Variants in SLIT1 observed in about 807,000 individuals in gnomAD.
SLIT1 encodes slit homolog 1 protein.
Under a neutral mutation model 186.1 loss-of-function variants are expected in SLIT1, and 66 were observed. The observed-to-expected ratio is 0.35, with a 90% CI of 0.29 to 0.44. SLIT1 has a LOEUF of 0.44. Among genes scored for constraint, SLIT1 ranks in the 20% least tolerant of loss-of-function variants. The pLI is 1.00. For synonymous variants in SLIT1, 761 were observed against 833.8 expected (o/e 0.91, Z 1.50); for missense variants, 1,638 against 2,037.4 (o/e 0.80, Z 3.77).
Position 97,035,302 on chromosome 10 carries a change from G to A in SLIT1, c.2367-760C>T, listed in dbSNP as rs541350576. On this transcript the variant is annotated intron_variant, in intron 22 of 36. Transcript: ENST00000266058. ...GTCCAATCTGGGTGCCCTCGGGGACGCCCCTGTGCTGACAGTGCCCCCCTC... is the reference window on the plus strand; with the variant it reads ...GTCCAATCTGGGTGCCCTCGGGGACACCCCTGTGCTGACAGTGCCCCCCTC... Among the ~76,000 whole-genome samples, 193 of 152,136 alleles carry A rather than the reference G, an allele frequency of 1.3e-3. 1 individual carries two copies. The highest frequency in any genetic ancestry group is 4.2e-3 in the African/African-American group (176 of 41,490).
At chr10:97,062,732 G>A (rs143629711) in intron 8 of SLIT1, among the ~76,000 whole-genome samples, 187 of 152,354 alleles carry the variant, frequency 1.2e-3, no homozygotes, top group African/African-American at 4.4e-3. Flanking sequence ...AGGAGGCAGG[G>A]GAGGCAGCGG....
intron 4 of SLIT1, among the ~76,000 whole-genome samples, chr10:97,125,703 G>A (rs1399114152): frequency 6.6e-6 from 1 of 152,010 alleles, no homozygotes. Flanking sequence ...GATGGGCTTG[G>A]TGGTGCATGC....
chr10:97,148,956 T>A (rs2134711017), intron 4 of SLIT1, among the ~76,000 whole-genome samples: 1 of 152,364 alleles, frequency 6.6e-6, no homozygotes, highest in Admixed American at 6.5e-5. Flanking sequence ...AGAGGACCAG[T>A]GGCTTTTCAT....
At chr10:97,042,028 ACT>A (rs1348018250) in intron 20 of SLIT1, among the ~76,000 whole-genome samples, 1 of 151,974 alleles carries the variant, frequency 6.6e-6, no homozygotes, top group Non-Finnish European at 1.5e-5. Flanking sequence ...AATAGTATAG[ACT>A]CTTTTTTAAA....
chr10:97,075,710 C>T (rs975341477), intron 4 of SLIT1, among the ~76,000 whole-genome samples: 4 of 152,168 alleles, frequency 2.6e-5, no homozygotes, highest in South Asian at 2.1e-4. Context: ...TTGGCAGCAT[C>T]GTCATCCCCG....
intron 4 of SLIT1, among the ~76,000 whole-genome samples, chr10:97,156,227 A>G (rs1323451576): frequency 6.6e-6 from 1 of 152,202 alleles, no homozygotes; most frequent in Admixed American, 6.5e-5. Context: ...GGAGGAAGCA[A>G]CAGGAAGTGA....
At chr10:97,046,539 C>G (rs1848734949) in intron 18 of SLIT1, 115 bp downstream of exon 18, 4 of 1,067,832 alleles carry the variant, frequency 3.7e-6, no homozygotes, top group Non-Finnish European at 1.3e-6. Context: ...GTTCTCCCCA[C>G]CCTCCTGCAA....
At chr10:97,092,040 C>A (rs1849237839) in intron 4 of SLIT1, among the ~76,000 whole-genome samples, 1 of 152,190 alleles carries the variant, frequency 6.6e-6, no homozygotes, top group South Asian at 2.1e-4. Context: ...AGTTTTTGCT[C>A]GAACCAGGCC....
chr10:97,089,086 AG>A (rs1309409940), intron 4 of SLIT1, among the ~76,000 whole-genome samples: 2 of 152,250 alleles, frequency 1.3e-5, no homozygotes, highest in African/African-American at 4.8e-5. Context: ...AGCAGCAGCC[AG>A]CTCCCAGGTG....
intron 13 of SLIT1, among the ~76,000 whole-genome samples, chr10:97,051,286 C>T (rs1224020376): frequency 6.6e-6 from 1 of 151,202 alleles, no homozygotes; most frequent in Non-Finnish European, 1.5e-5. Context: ...CAAACAATAC[C>T]AAGTGTTGGT....
At chr10:97,064,067 G>A in intron 7 of SLIT1, 101 bp downstream of exon 7, 1 of 963,148 alleles carries the variant, frequency 1.0e-6, no homozygotes, top group Non-Finnish European at 1.6e-6. Context: ...GGGAGAATGA[G>A]CTCCATGACC....
chr10:97,082,873 T>C (rs766632781), intron 4 of SLIT1, among the ~76,000 whole-genome samples: 9 of 152,180 alleles, frequency 5.9e-5, no homozygotes, highest in Non-Finnish European at 1.2e-4. Flanking sequence ...AATTTTGCTG[T>C]GAACCTGAAA....
chr10:97,171,180 G>A (rs1298415662), intron 1 of SLIT1, among the ~76,000 whole-genome samples: 1 of 152,330 alleles, frequency 6.6e-6, no homozygotes, highest in Non-Finnish European at 1.5e-5. Flanking sequence ...CGCTGAGAGT[G>A]TGCAGAGTCA....
chr10:97,059,188 T>C (rs1589378045), intron 11 of SLIT1, among the ~76,000 whole-genome samples: 1 of 152,094 alleles, frequency 6.6e-6, no homozygotes, highest in South Asian at 2.1e-4. Flanking sequence ...TGGCAGGGAG[T>C]GCATCCCAGT....
chr10:97,040,457 C>A (rs1257488880), intron 20 of SLIT1, among the ~76,000 whole-genome samples: 1 of 152,164 alleles, frequency 6.6e-6, no homozygotes, highest in East Asian at 1.9e-4. Flanking sequence ...ACATTGTCTC[C>A]TTAACAGTAC....
intron 4 of SLIT1, among the ~76,000 whole-genome samples, chr10:97,111,795 C>T (rs961634816): frequency 2.6e-5 from 4 of 152,180 alleles, no homozygotes; most frequent in South Asian, 2.1e-4. Context: ...CGCTCACATC[C>T]GTACCCAGAT....
intron 1 of SLIT1, among the ~76,000 whole-genome samples, chr10:97,167,798 T>A (rs1258650105): frequency 6.6e-6 from 1 of 152,228 alleles, no homozygotes; most frequent in Non-Finnish European, 1.5e-5. Context: ...TGATAGTGAA[T>A]AAGTCTCATG....
intron 1 of SLIT1, among the ~76,000 whole-genome samples, chr10:97,179,133 C>T (rs2134745762): frequency 6.6e-6 from 1 of 152,180 alleles, no homozygotes; most frequent in East Asian, 1.9e-4. Flanking sequence ...ATCCCTCCTC[C>T]CCATCTCACT....
intron 4 of SLIT1, among the ~76,000 whole-genome samples, chr10:97,141,070 G>A (rs1849752381): frequency 6.6e-6 from 1 of 152,144 alleles, no homozygotes. Context: ...CGGCTCCCTT[G>A]TCGGAGGCTC....
Sources: allele counts gnomAD v4.1 joint callset (sites outside exome capture counted in the v4.1 genomes callset), GRCh38; gene constraint gnomAD v4.1.1; transcripts MANE v1.5; gene names NCBI Gene and HGNC (gene_info 2026-07-23, HGNC 2026-07-21).